The following HS3ST3A1 variants were observed in gnomAD, a reference collection of about 807,000 sequenced individuals.
HS3ST3A1 encodes heparan sulfate-glucosamine 3-sulfotransferase 3A1.
A neutral mutation model predicts 25.7 loss-of-function variants in HS3ST3A1; 19 were observed. That is an observed-to-expected ratio of 0.74 (90% CI 0.52 to 1.08). HS3ST3A1 has a LOEUF of 1.08. Among genes scored for constraint, HS3ST3A1 ranks in the 50% least tolerant of loss-of-function variants. The pLI, the probability that HS3ST3A1 is intolerant of heterozygous loss-of-function variation, is 0.00. For missense variants in HS3ST3A1, 459 were observed against 594.3 expected (o/e 0.77, Z 2.37); for synonymous variants, 226 against 278.6 (o/e 0.81, Z 1.88).
chr17:13,571,357 C>T (rs933779240), intron 1 of HS3ST3A1, among the ~76,000 whole-genome samples: 1 of 152,164 alleles, frequency 6.6e-6, no homozygotes, highest in Non-Finnish European at 1.5e-5. Flanking sequence ...TGTCTGTTTT[C>T]AAAGAAACTC....
chr17:13,506,259 A>T (rs569378815), intron 1 of HS3ST3A1, among the ~76,000 whole-genome samples: 1 of 152,260 alleles, frequency 6.6e-6, no homozygotes, highest in East Asian at 1.9e-4. Context: ...TGATTTTGCT[A>T]TTAATAAGCT....
intron 1 of HS3ST3A1, among the ~76,000 whole-genome samples, chr17:13,552,764 A>G (rs1404633433): frequency 1.3e-5 from 2 of 152,168 alleles, no homozygotes; most frequent in Non-Finnish European, 2.9e-5. Flanking sequence ...ACCTTTCCCA[A>G]TTCAGCATGA....
intron 1 of HS3ST3A1, among the ~76,000 whole-genome samples, chr17:13,563,496 A>T (rs889893434): frequency 4.6e-5 from 7 of 152,182 alleles, no homozygotes; most frequent in Non-Finnish European, 8.8e-5. Context: ...GGATGTAAGC[A>T]AACTAAGAAA....
chr17:13,552,513 G>A (rs1445021109), intron 1 of HS3ST3A1, among the ~76,000 whole-genome samples: 2 of 152,296 alleles, frequency 1.3e-5, no homozygotes, highest in African/African-American at 4.8e-5. Context: ...CAAGGGCAAC[G>A]TCAAAGGGGG....
intron 1 of HS3ST3A1, among the ~76,000 whole-genome samples, chr17:13,557,896 A>C (rs1345319888): frequency 2.0e-5 from 3 of 152,262 alleles, no homozygotes; most frequent in African/African-American, 7.2e-5. Context: ...AAAAGGGACA[A>C]GCATTTGCTG....
intron 1 of HS3ST3A1, among the ~76,000 whole-genome samples, chr17:13,589,813 G>C (rs961556823): frequency 1.2e-4 from 18 of 152,184 alleles, no homozygotes; most frequent in African/African-American, 4.1e-4. Flanking sequence ...GAAAGGTGAC[G>C]AGGGGAGCAG....
chr17:13,575,394 T>C (rs1448440149), intron 1 of HS3ST3A1, among the ~76,000 whole-genome samples: 1 of 152,180 alleles, frequency 6.6e-6, no homozygotes, highest in Non-Finnish European at 1.5e-5. Context: ...AACACACTGG[T>C]AAGATAAAGG....
intron 1 of HS3ST3A1, among the ~76,000 whole-genome samples, chr17:13,510,559 T>C (rs1905828377): frequency 6.6e-6 from 1 of 152,240 alleles, no homozygotes. Context: ...GGACACACGG[T>C]AGGTGCTAAA....
chr17:13,585,508 CT>C (rs71144978), intron 1 of HS3ST3A1, among the ~76,000 whole-genome samples: 67,633 of 146,542 alleles, frequency 0.46, 16,420 homozygotes, highest in Admixed American at 0.58. Flanking sequence ...CCCTATTCTC[CT>C]TTTTTTTTTT....
chr17:13,547,942 GC>G (rs140340280), intron 1 of HS3ST3A1, among the ~76,000 whole-genome samples: 6,336 of 108,710 alleles, frequency 0.058, 346 homozygotes, highest in African/African-American at 0.17. Context: ...GTTGGTGTGA[GC>G]CAAAAAAAAA....
chr17:13,538,493 C>T (rs1906834167), intron 1 of HS3ST3A1, among the ~76,000 whole-genome samples: 1 of 152,180 alleles, frequency 6.6e-6, no homozygotes, highest in African/African-American at 2.4e-5. Flanking sequence ...CCCCTTCTCC[C>T]TGGGGTATTG....
At position 13,600,771 on chromosome 17, in the gene HS3ST3A1, A is replaced by G. The variant is rs1441958134; in HGVS notation, c.359T>C (p.Leu120Pro). 1.5e-5 allele frequency: 22 copies of G among 1,482,074 alleles called. No individual in the cohort carries two copies. The highest frequency in any genetic ancestry group is 2.0e-5 in the Non-Finnish European group (22 of 1,125,282). 91.8% of individuals were successfully genotyped at this position (1,482,074 alleles called of 1,614,324 possible). A position where few individuals can be genotyped will look rare whatever the true frequency, so the allele number is the denominator to read the frequency against. ...EAAWEEESPGLSGGPGGSGAG... is the reference protein window; with the variant it reads ...EAAWEEESPGPSGGPGGSGAG... ...CCCGGAGCCGCCCGGACCCCCTGAC[A>G]GGCCAGGGGACTCTTCTTCCCAGGC... The change falls in exon 1 of 2, where the codon CTG becomes CCG. Residue 120 changes from leucine to proline, a missense_variant. Physicochemically the swap from Leu to Pro is moderately conservative, Grantham distance 98. Transcript: ENST00000284110.
intron 1 of HS3ST3A1, among the ~76,000 whole-genome samples, chr17:13,566,834 A>G (rs2142369947): frequency 6.6e-6 from 1 of 152,328 alleles, no homozygotes; most frequent in Admixed American, 6.5e-5. Context: ...AGTCTAGTTC[A>G]TGGGGTTTAA....
intron 1 of HS3ST3A1, among the ~76,000 whole-genome samples, chr17:13,584,530 GGAAA>G (rs1908199625): frequency 6.9e-6 from 1 of 144,378 alleles, no homozygotes; most frequent in Admixed American, 6.9e-5. Context: ...AAGGAAGGAA[GGAAA>G]GAAGGAAGGA....
intron 1 of HS3ST3A1, among the ~76,000 whole-genome samples, chr17:13,583,018 T>G (rs1908156577): frequency 6.6e-6 from 1 of 152,204 alleles, no homozygotes. Context: ...AACAAAATTA[T>G]AGTGGTAACT....
At chr17:13,539,018 A>G (rs1906849593) in intron 1 of HS3ST3A1, among the ~76,000 whole-genome samples, 1 of 152,162 alleles carries the variant, frequency 6.6e-6, no homozygotes, top group Non-Finnish European at 1.5e-5. Flanking sequence ...GCTTTAGTTG[A>G]CGGAGAGGTC....
rs1908724514 is a variant in HS3ST3A1 at position 13,601,085 on chromosome 17, C to G, written c.45G>C (p.Glu15Asp). ...TCCGGAAGATGCTGCGGGACAGCGGCTCGGCCGAGGTGGAGAGGGCACTGG... is the reference window on the plus strand; with the variant it reads ...TCCGGAAGATGCTGCGGGACAGCGGGTCGGCCGAGGTGGAGAGGGCACTGG... ...GPASALSTSA[E>D]PLSRSIFRKF... The change falls in exon 1 of 2, where the codon GAG becomes GAC. Residue 15 changes from glutamate to aspartate, a missense_variant. Transcript: ENST00000284110. 1.9e-6 allele frequency: 3 copies of G among 1,594,018 alleles called. No individual in the cohort carries two copies. The South Asian group carries it at 3.4e-5, about 18-fold the overall frequency.
chr17:13,496,621 A>C lies in HS3ST3A1; in HGVS notation c.797T>G (p.Phe266Cys). The C allele has an allele frequency of 6.2e-7, 1 of 1,612,080 alleles. No homozygotes were observed. Among genetic ancestry groups the C allele is most frequent in the Non-Finnish European group, 8.5e-7 (1 of 1,179,212 alleles). Reference sequence around the variant, plus strand: ...CCTGTTTTTGAACGTCAAGCTCTCGAAGGTGGGGATGTCGGGCCGCTTGGA... The same window carrying C: ...CCTGTTTTTGAACGTCAAGCTCTCGCAGGTGGGGATGTCGGGCCGCTTGGA... ...TLSKRPDIPT[F>C]ESLTFKNRTA... Residue 266 changes from phenylalanine to cysteine, a missense_variant, in exon 2 of 2, where the codon TTC becomes TGC. Phe to Cys is a radical substitution (Grantham distance 205, BLOSUM62 -2). This residue lies in a region of HS3ST3A1 where 67 missense variants were observed against 231.4 expected (regional missense o/e 0.29). Coordinates refer to ENST00000284110, the MANE Select transcript of HS3ST3A1 (RefSeq NM_006042.3).
intron 1 of HS3ST3A1, among the ~76,000 whole-genome samples, chr17:13,562,140 C>T (rs972012739): frequency 1.3e-5 from 2 of 152,160 alleles, no homozygotes; most frequent in African/African-American, 4.8e-5. Flanking sequence ...TTTCCCTTCT[C>T]CCCATGGCCA....
Sources: allele counts gnomAD v4.1 joint callset (sites outside exome capture counted in the v4.1 genomes callset), GRCh38; gene constraint gnomAD v4.1.1; regional missense constraint gnomAD v4.1.1; transcripts MANE v1.5; gene names NCBI Gene and HGNC (gene_info 2026-07-23, HGNC 2026-07-21).